Variants in ABCA13 observed in about 807,000 individuals in gnomAD.
ABCA13 encodes the protein ATP-binding cassette sub-family A member 13.
ABCA13 carries 476 observed loss-of-function variants against 478.7 expected under a neutral mutation model. That is an observed-to-expected ratio of 0.99 (90% CI 0.92 to 1.07). The LOEUF (loss-of-function observed/expected upper bound fraction) is 1.07. ABCA13 is among the 50% of genes least tolerant of loss of function. ABCA13 has a pLI of 0.00. For missense variants in ABCA13, 6,060 were observed against 5,910.6 expected (o/e 1.03, Z -0.83); for synonymous variants, 2,252 against 2,158.9 (o/e 1.04, Z -1.20).
chr7:48,275,272 A>G lies in ABCA13; in HGVS notation c.5606A>G (p.Glu1869Gly). The change falls in exon 17 of 62, where the codon GAA becomes GGA. Residue 1869 changes from glutamate (E) to glycine (G), a missense_variant. This residue lies in a region of ABCA13 where 4,423 missense variants were observed against 4,309.1 expected (regional missense o/e 1.03). Transcript: ENST00000435803. Reference sequence around the variant, plus strand: ...CATTTCCACCTGTCTCCCCAAGGTGAAGATTCACCATGTTCAAATGAAAGC... The same window carrying G: ...CATTTCCACCTGTCTCCCCAAGGTGGAGATTCACCATGTTCAAATGAAAGC... ...LDHFHLSPQG[E>G]DSPCSNESSR... The G allele has an allele frequency of 6.2e-7, 1 of 1,613,886 alleles. No individual in the cohort carries two copies. Among genetic ancestry groups the G allele is most frequent in the Non-Finnish European group, 8.5e-7 (1 of 1,179,858 alleles).
chr7:48,313,412 C>G (rs1802068001), intron 25 of ABCA13, among the ~76,000 whole-genome samples, 181 bp downstream of exon 25: 1 of 152,186 alleles, frequency 6.6e-6, no homozygotes, highest in African/African-American at 2.4e-5. Flanking sequence ...CCTGGCATCT[C>G]TCTAAAAACT....
rs553342753 is a variant in ABCA13 at position 48,515,675 on chromosome 7, C to T, written c.13641-1050C>T. On this transcript the variant is annotated intron_variant, in intron 51 of 61. Coordinates refer to ENST00000435803, the MANE Select transcript of ABCA13 (RefSeq NM_152701.5). ...TGTAAGATGACAGTTACAGTGCTGT[C>T]TCCTGGCTTGCTGGGGACTAAAGGA... 2.6e-5 allele frequency among the ~76,000 whole-genome samples: 4 copies of T among 152,242 alleles called. No individual in the cohort carries two copies. The South Asian group carries it at 8.3e-4, about 32-fold the overall frequency.
In ABCA13 at chr7:48,273,227, A is replaced by T. The variant is rs1350778140; in HGVS notation, c.3561A>T (p.Glu1187Asp). The change falls in exon 17 of 62, where the codon GAA becomes GAT. Residue 1187 changes from glutamate (E) to aspartate (D), a missense_variant. Glu to Asp is a conservative substitution (Grantham distance 45). Transcript: ENST00000435803. ...HGFTQLLDELEDDVKVSKSCQ... is the reference protein window; with the variant it reads ...HGFTQLLDELDDDVKVSKSCQ... ...TCACTCAGCTTTTGGATGAATTGGAAGATGATGTGAAAGTCTCTAAAAGCT... is the reference window on the plus strand; with the variant it reads ...TCACTCAGCTTTTGGATGAATTGGATGATGATGTGAAAGTCTCTAAAAGCT... 1 of 1,613,694 alleles carries T rather than the reference A, an allele frequency of 6.2e-7. No individual in the cohort carries two copies. The highest frequency in any genetic ancestry group is 2.2e-5 in the East Asian group (1 of 44,856).
At chr7:48,416,664 A>G (rs954640940) in intron 41 of ABCA13, among the ~76,000 whole-genome samples, 4 of 152,098 alleles carry the variant, frequency 2.6e-5, no homozygotes, top group Non-Finnish European at 4.4e-5. Context: ...CCCGGGACCA[A>G]GGGAAGCCTC....
intron 51 of ABCA13, among the ~76,000 whole-genome samples, chr7:48,513,363 CTTCT>C (rs1308918759): frequency 1.3e-5 from 2 of 152,142 alleles, no homozygotes; most frequent in Non-Finnish European, 2.9e-5. Context: ...TATTGTTTTT[CTTCT>C]TTCTATCAAG....
rs572276778 is a variant in ABCA13, at chr7:48,355,684, C to A, written c.10688+3197C>A. 1.1e-4 allele frequency among the ~76,000 whole-genome samples: 16 copies of A among 152,048 alleles called. 1 individual carries two copies. Among genetic ancestry groups the A allele is most frequent in the African/African-American group, 3.9e-4 (16 of 41,330 alleles). On this transcript the variant is annotated intron_variant, in intron 31 of 61. Transcript: ENST00000435803. Reference sequence around the variant, plus strand: ...GAAGCTGGTAAAAAGTGGTCTGATTCTTGGTTGCATTCAGGAAGTAGAGGC... The same window carrying A: ...GAAGCTGGTAAAAAGTGGTCTGATTATTGGTTGCATTCAGGAAGTAGAGGC...
chr7:48,622,484 C>A (rs1169355849), intron 59 of ABCA13, among the ~76,000 whole-genome samples: 1 of 152,168 alleles, frequency 6.6e-6, no homozygotes, highest in Non-Finnish European at 1.5e-5. Flanking sequence ...CTTATAAAAT[C>A]TGTAGAGTGT....
Position 48,352,633 on chromosome 7 carries a change from A to T in ABCA13, c.10688+146A>T, listed in dbSNP as rs977395407. 1.2e-5 allele frequency: 10 copies of T among 860,354 alleles called. No homozygotes were observed. In the African/African-American group the frequency reaches 1.5e-4, roughly 13 times the overall value. The allele number at this position is 860,354 out of a possible 1,614,324, so 53.3% of individuals were successfully genotyped here. A position where few individuals can be genotyped will look rare whatever the true frequency, so the allele number is the denominator to read the frequency against. Reference sequence around the variant, plus strand: ...CCCACTTTTTAATTTCGTAAGGTTCATTTTTTTTATATGCTTGTACTCTTC... The same window carrying T: ...CCCACTTTTTAATTTCGTAAGGTTCTTTTTTTTTATATGCTTGTACTCTTC... On this transcript the variant is annotated intron_variant, in intron 31 of 61. Coordinates refer to ENST00000435803, the MANE Select transcript of ABCA13 (RefSeq NM_152701.5).
chr7:48,392,158 C>G lies in ABCA13; in HGVS notation c.11873+19C>G, dbSNP rs1025857150. On this transcript the variant is annotated intron_variant, in intron 38 of 61. Coordinates refer to ENST00000435803, the MANE Select transcript of ABCA13 (RefSeq NM_152701.5). ...TCAATCAGTTAGTAAACAGTTGTCT[C>G]TCTGCTCCTCCTGCCTCTGCCCATT... 20 of 1,607,986 alleles carry G rather than the reference C, an allele frequency of 1.2e-5. No homozygotes were observed. The highest frequency in any genetic ancestry group is 2.2e-5 in the East Asian group (1 of 44,840).
chr7:48,556,843 ATTG>A, intron 55 of ABCA13, among the ~76,000 whole-genome samples: 1 of 151,488 alleles, frequency 6.6e-6, no homozygotes, highest in East Asian at 1.9e-4. Flanking sequence ...CTGCTATGTT[ATTG>A]TTTTCTGTTT....
intron 35 of ABCA13, among the ~76,000 whole-genome samples, chr7:48,382,206 ACTC>A (rs1257950144): frequency 1.3e-5 from 2 of 151,470 alleles, no homozygotes; most frequent in Non-Finnish European, 2.9e-5. Flanking sequence ...ACTCCTTCCT[ACTC>A]CTCTAGGTAT....
intron 1 of ABCA13, among the ~76,000 whole-genome samples, chr7:48,186,342 T>A (rs1796347094): frequency 6.6e-6 from 1 of 152,136 alleles, no homozygotes; most frequent in Non-Finnish European, 1.5e-5. Context: ...TGACAGAATT[T>A]CTTTCAGCAA....
intron 41 of ABCA13, among the ~76,000 whole-genome samples, chr7:48,419,025 T>C (rs1008276031): frequency 1.3e-5 from 2 of 152,176 alleles, no homozygotes; most frequent in East Asian, 1.9e-4. Flanking sequence ...AGGCATCTTA[T>C]GTGGCAGGAG....
At chr7:48,290,959 A>G (rs940317137) in intron 20 of ABCA13, among the ~76,000 whole-genome samples, 2 of 151,586 alleles carry the variant, frequency 1.3e-5, no homozygotes, top group Admixed American at 6.6e-5. Context: ...AAAAAAAAAA[A>G]AAAAAAAAAG....
At chr7:48,466,453 G>T (rs1826883912) in intron 43 of ABCA13, among the ~76,000 whole-genome samples, 1 of 152,128 alleles carries the variant, frequency 6.6e-6, no homozygotes, top group Non-Finnish European at 1.5e-5. Flanking sequence ...AGAAAATGTA[G>T]CTCAATGTAG....
At chr7:48,399,555 T>G (rs984938707) in intron 38 of ABCA13, among the ~76,000 whole-genome samples, 2 of 152,174 alleles carry the variant, frequency 1.3e-5, no homozygotes, top group African/African-American at 2.4e-5. Context: ...AGAAGATGTG[T>G]TTGTTAGAAA....
chr7:48,615,265 T>G lies in ABCA13; in HGVS notation c.14745-20T>G, dbSNP rs1585991589. The G allele has an allele frequency of 1.5e-6, 2 of 1,316,130 alleles. No individual in the cohort carries two copies. The highest frequency in any genetic ancestry group is 2.8e-5 in the Admixed American group (1 of 36,346). 81.5% of individuals were successfully genotyped at this position (1,316,130 alleles called of 1,614,324 possible). On this transcript the variant is annotated intron_variant, in intron 58 of 61. Transcript: ENST00000435803. ...CTCTTCAGGAAATGGCTCATTTTTG[T>G]CTCTTTTCCTTCTTTACAGCATGGA...
intron 43 of ABCA13, among the ~76,000 whole-genome samples, chr7:48,462,520 G>A (rs1291992978): frequency 6.6e-6 from 1 of 151,592 alleles, no homozygotes; most frequent in East Asian, 1.9e-4. Flanking sequence ...TTTTTGGGGG[G>A]TGGGGGAGTA....
intron 55 of ABCA13, among the ~76,000 whole-genome samples, chr7:48,562,970 A>ATATC (rs1229237987): frequency 6.6e-6 from 1 of 152,010 alleles, no homozygotes; most frequent in Non-Finnish European, 1.5e-5. Flanking sequence ...ATATATATAT[A>ATATC]TATGTCTGTG....
Sources: gnomAD v4.1 joint callset for allele counts (sites outside exome capture counted in the v4.1 genomes callset) on GRCh38, gnomAD v4.1.1 for gene constraint, gnomAD v4.1.1 regional missense constraint, MANE v1.5 for transcripts, NCBI Gene and HGNC (gene_info 2026-07-23, HGNC 2026-07-21) for gene names.